MEI4: variants seen among roughly 807,000 people sequenced by gnomAD.
MEI4 encodes the protein meiotic double-stranded break formation protein 4.
Under a neutral mutation model 31.4 loss-of-function variants are expected in MEI4, and 27 were observed. The observed-to-expected ratio is 0.86, with a 90% CI of 0.63 to 1.19. The LOEUF (loss-of-function observed/expected upper bound fraction) is 1.19. Among genes scored for constraint, MEI4 ranks in the 50% most tolerant of loss-of-function variants. The probability of loss-of-function intolerance (pLI) is 0.00; values close to 1 mark genes in which losing one functional copy is unlikely to be tolerated. For synonymous variants in MEI4, 122 were observed against 145.4 expected, an observed-to-expected ratio of 0.84 and a Z score of 1.16; for missense variants, 329 against 398.9, an observed-to-expected ratio of 0.82 and a Z score of 1.49.
intron 2 of MEI4, among the ~76,000 whole-genome samples, chr6:77,738,335 T>C (rs1484793989): frequency 3.9e-5 from 6 of 152,222 alleles, no homozygotes; most frequent in African/African-American, 1.4e-4. Context: ...TTGAGAGTGA[T>C]ACCTCTTTTG....
chr6:77,781,147 C>A (rs187531536), intron 3 of MEI4, among the ~76,000 whole-genome samples: 2 of 152,222 alleles, frequency 1.3e-5, no homozygotes, highest in Non-Finnish European at 2.9e-5. Flanking sequence ...ATCCTCCTTC[C>A]TTAGCCTCCC....
chr6:77,902,704 C>T (rs996897306), intron 4 of MEI4, among the ~76,000 whole-genome samples: 4 of 152,070 alleles, frequency 2.6e-5, no homozygotes, highest in Non-Finnish European at 4.4e-5. Context: ...ATCTGATTGC[C>T]TCCTTTAGAG....
At chr6:77,709,047 C>T (rs1039224276) in intron 2 of MEI4, among the ~76,000 whole-genome samples, 1 of 152,170 alleles carries the variant, frequency 6.6e-6, no homozygotes, top group East Asian at 1.9e-4. Context: ...CATACCTTTT[C>T]TGCCTCTATG....
chr6:77,749,388 T>G (rs893021117), intron 2 of MEI4, among the ~76,000 whole-genome samples: 1 of 152,130 alleles, frequency 6.6e-6, no homozygotes, highest in African/African-American at 2.4e-5. Context: ...TTAGATGCAT[T>G]GCTTACTAGA....
At chr6:77,770,716 G>A (rs1184426751) in intron 3 of MEI4, among the ~76,000 whole-genome samples, 1 of 152,076 alleles carries the variant, frequency 6.6e-6, no homozygotes, top group East Asian at 1.9e-4. Flanking sequence ...GCCATCCGAT[G>A]TTTGAGAAAG....
intron 2 of MEI4, among the ~76,000 whole-genome samples, chr6:77,732,089 T>C (rs1334553719): frequency 6.6e-6 from 1 of 150,994 alleles, no homozygotes; most frequent in East Asian, 1.9e-4. Context: ...TCTTTTGACT[T>C]AGGATTGACT....
intron 3 of MEI4, among the ~76,000 whole-genome samples, chr6:77,802,210 T>C (rs1422688715): frequency 6.6e-6 from 1 of 152,226 alleles, no homozygotes; most frequent in South Asian, 2.1e-4. Flanking sequence ...AATTGATCCC[T>C]TTACCCTTAT....
intron 4 of MEI4, among the ~76,000 whole-genome samples, chr6:77,883,731 T>TATATACATATAC (rs1562025118): frequency 3.5e-5 from 5 of 141,296 alleles, no homozygotes; most frequent in South Asian, 2.2e-4. Flanking sequence ...TATATATATA[T>TATATACATATAC]ATATATATAT....
chr6:77,771,294 G>A (rs1300693906), intron 3 of MEI4, among the ~76,000 whole-genome samples: 1 of 152,052 alleles, frequency 6.6e-6, no homozygotes, highest in Non-Finnish European at 1.5e-5. Context: ...AAAAACAGAT[G>A]CTGGCAAGGT....
chr6:77,766,633 C>T (rs1055276738), intron 3 of MEI4, among the ~76,000 whole-genome samples: 46 of 152,174 alleles, frequency 3.0e-4, no homozygotes, highest in African/African-American at 9.6e-4. Flanking sequence ...AGGATGATCT[C>T]GATCTCCTGA....
chr6:77,878,464 CATT>C (rs1771399355), intron 4 of MEI4, among the ~76,000 whole-genome samples: 1 of 151,994 alleles, frequency 6.6e-6, no homozygotes, highest in Non-Finnish European at 1.5e-5. Flanking sequence ...ATTATGGAGA[CATT>C]GTGCAAACTT....
At chr6:77,744,682 TTGAAA>T (rs779927804) in intron 2 of MEI4, among the ~76,000 whole-genome samples, 3 of 152,022 alleles carry the variant, frequency 2.0e-5, no homozygotes, top group Non-Finnish European at 4.4e-5. Context: ...TTCACCAAAG[TTGAAA>T]TGAAGGAAAA....
rs1316402565 is a variant in MEI4, at chr6:77,925,582, C to T, written c.*2236C>T. 2 of 151,344 alleles carry T rather than the reference C, an allele frequency of 1.3e-5. No homozygotes were observed. The highest frequency in any genetic ancestry group is 4.8e-5 in the African/African-American group (2 of 41,300). The allele number at this position is 151,344 out of a possible 1,614,324, so 9.4% of individuals were successfully genotyped here. ...CAGTTTATATTTAGGTAATGTCTAA[C>T]TTTAGAATTAAGGTTTTAGGGATAA... On this transcript the variant is annotated 3_prime_UTR_variant, in exon 5 of 5. Coordinates refer to ENST00000684080, the MANE Select transcript of MEI4 (RefSeq NM_001322247.2).
chr6:77,721,905 A>G (rs1262552610), intron 2 of MEI4, among the ~76,000 whole-genome samples: 1 of 125,432 alleles, frequency 8.0e-6, no homozygotes, highest in Non-Finnish European at 1.7e-5. Flanking sequence ...CAGCACATAA[A>G]ATATCATCAA....
chr6:77,898,127 T>C (rs1230201808), intron 4 of MEI4, among the ~76,000 whole-genome samples: 1 of 152,016 alleles, frequency 6.6e-6, no homozygotes, highest in African/African-American at 2.4e-5. Context: ...TGCATTGGGC[T>C]CCTAGCTAAG....
intron 3 of MEI4, among the ~76,000 whole-genome samples, chr6:77,786,307 TCTCA>T (rs1768735094): frequency 6.6e-6 from 1 of 152,112 alleles, no homozygotes; most frequent in African/African-American, 2.4e-5. Context: ...ATGAGCAGTC[TCTCA>T]CTAAGGTAAA....
intron 4 of MEI4, among the ~76,000 whole-genome samples, chr6:77,918,240 T>A (rs1766613613): frequency 6.6e-6 from 1 of 151,870 alleles, no homozygotes; most frequent in Non-Finnish European, 1.5e-5. Flanking sequence ...AGGATTGACT[T>A]GGCGATGCAG....
chr6:77,914,409 C>G (rs891286156), intron 4 of MEI4, among the ~76,000 whole-genome samples: 2 of 151,964 alleles, frequency 1.3e-5, no homozygotes, highest in Non-Finnish European at 2.9e-5. Flanking sequence ...TTCTAAAGTT[C>G]TTCTTTTTAC....
At chr6:77,846,863 A>G (rs1297290303) in intron 4 of MEI4, among the ~76,000 whole-genome samples, 1 of 152,184 alleles carries the variant, frequency 6.6e-6, no homozygotes, top group Non-Finnish European at 1.5e-5. Context: ...ACAGAGCATT[A>G]GTGCCCCTCA....
Sources: gnomAD v4.1 joint callset for allele counts (sites outside exome capture counted in the v4.1 genomes callset) on GRCh38, gnomAD v4.1.1 for gene constraint, MANE v1.5 for transcripts, NCBI Gene and HGNC (gene_info 2026-07-23, HGNC 2026-07-21) for gene names.